The following EYA1 variants were observed in gnomAD, a reference collection of about 807,000 sequenced individuals.
EYA1 encodes the protein protein phosphatase EYA1.
Under a neutral mutation model 82.0 loss-of-function variants are expected in EYA1, and 16 were observed. That is an observed-to-expected ratio of 0.20 (90% confidence interval 0.13 to 0.30). The LOEUF (loss-of-function observed/expected upper bound fraction) is 0.30. Ranked by LOEUF, EYA1 falls within the 10% of genes least tolerant of loss-of-function variation. EYA1 has a pLI of 1.00. For synonymous variants in EYA1, 261 were observed against 264.4 expected, an observed-to-expected ratio of 0.99 and a Z score of 0.12; for missense variants, 633 against 730.7, an observed-to-expected ratio of 0.87 and a Z score of 1.54.
intron 2 of EYA1, among the ~76,000 whole-genome samples, chr8:71,522,656 T>C (rs1813490243): frequency 6.6e-6 from 1 of 151,320 alleles, no homozygotes; most frequent in African/African-American, 2.4e-5. Context: ...GATCTCTCTG[T>C]CACCCAGGCT....
At chr8:71,222,247 CAT>C (rs1810016358) in intron 12 of EYA1, among the ~76,000 whole-genome samples, 1 of 152,132 alleles carries the variant, frequency 6.6e-6, no homozygotes, top group Non-Finnish European at 1.5e-5. Context: ...CCACTGGTAA[CAT>C]ATTTGGTGCC....
chr8:71,237,630 ACTT>A lies in EYA1; in HGVS notation c.1140+6970_1140+6972del, dbSNP rs1389585122. On this transcript the variant is annotated intron_variant, in intron 12 of 17. Transcript: ENST00000340726. ...AAATTCCATAAACAATCAATGTTAAACTTCTACGATTTATATTTCCATAAGACA... is the reference window on the plus strand; with the variant it reads ...AAATTCCATAAACAATCAATGTTAAACTACGATTTATATTTCCATAAGACA... Among the ~76,000 whole-genome samples the A allele has an allele frequency of 3.3e-5, 5 of 152,180 alleles. No individual in the cohort carries two copies. In the East Asian group the frequency reaches 7.7e-4, roughly 23 times the overall value.
intron 3 of EYA1, among the ~76,000 whole-genome samples, chr8:71,337,795 T>G (rs1343542543): frequency 6.6e-6 from 1 of 152,210 alleles, no homozygotes; most frequent in Non-Finnish European, 1.5e-5. Flanking sequence ...CCTTCCTCCT[T>G]TCTCCTGTGG....
intron 11 of EYA1, among the ~76,000 whole-genome samples, chr8:71,267,652 C>A (rs998164345): frequency 1.3e-5 from 2 of 152,136 alleles, no homozygotes; most frequent in Admixed American, 6.5e-5. Context: ...AGGTTCACGC[C>A]GTTCTCCTGC....
rs141191164 is a variant in EYA1 at position 71,257,366 on chromosome 8, A to G, written c.1050+12374T>C. 2.3e-3 allele frequency among the ~76,000 whole-genome samples: 353 copies of G among 152,336 alleles called. 1 individual carries two copies. Among genetic ancestry groups the G allele is most frequent in the Non-Finnish European group, 4.1e-3 (280 of 68,020 alleles). On this transcript the variant is annotated intron_variant, in intron 11 of 17. Transcript: ENST00000340726. ...CTATGTTTGCAAGTTTCTATAATGAAAAGTTAAAAAAAATATAAAAATATT... is the reference window on the plus strand; with the variant it reads ...CTATGTTTGCAAGTTTCTATAATGAGAAGTTAAAAAAAATATAAAAATATT...
At chr8:71,520,427 C>A (rs1813308829) in intron 2 of EYA1, among the ~76,000 whole-genome samples, 1 of 152,178 alleles carries the variant, frequency 6.6e-6, no homozygotes, top group South Asian at 2.1e-4. Context: ...AAATAAACTT[C>A]ATTGGCAGTT....
rs143439602 is a variant in EYA1, at chr8:71,460,414, G to A, written c.33+75330C>T. On this transcript the variant is annotated intron_variant, in intron 2 of 18. Coordinates refer to the EYA1 transcript ENST00000643681. Reference sequence around the variant, plus strand: ...AGGGGAAAGATACTATAAAGGAGAAGAGAGCACTTATCTTTGTCTGGAGTG... The same window carrying A: ...AGGGGAAAGATACTATAAAGGAGAAAAGAGCACTTATCTTTGTCTGGAGTG... Among the ~76,000 whole-genome samples the A allele has an allele frequency of 9.8e-5, 15 of 152,314 alleles. No individual in the cohort carries two copies. In the East Asian group the frequency reaches 2.3e-3, roughly 24 times the overall value.
intron 12 of EYA1, among the ~76,000 whole-genome samples, chr8:71,236,263 C>T (rs994876688): frequency 1.3e-4 from 20 of 151,966 alleles, no homozygotes; most frequent in African/African-American, 4.1e-4. Flanking sequence ...TTCAAACTCC[C>T]GATCCCAAGT....
At chr8:71,394,718 G>A (rs1238553650) in intron 2 of EYA1, among the ~76,000 whole-genome samples, 1 of 152,142 alleles carries the variant, frequency 6.6e-6, no homozygotes, top group African/African-American at 2.4e-5. Context: ...TTTCAAGTCA[G>A]GTAGCTTGAT....
chr8:71,478,085 G>A (rs545179203), intron 2 of EYA1, among the ~76,000 whole-genome samples: 1 of 152,232 alleles, frequency 6.6e-6, no homozygotes, highest in Admixed American at 6.5e-5. Context: ...TCTAGAATTA[G>A]GTAGTGGTGA....
intron 3 of EYA1, among the ~76,000 whole-genome samples, chr8:71,338,740 A>G (rs1824785726): frequency 6.6e-6 from 1 of 152,246 alleles, no homozygotes; most frequent in African/African-American, 2.4e-5. Flanking sequence ...CACAAAGGAC[A>G]GTACTGCCTG....
chr8:71,340,924 C>T (rs2129053197), intron 3 of EYA1, among the ~76,000 whole-genome samples: 1 of 152,262 alleles, frequency 6.6e-6, no homozygotes, highest in Non-Finnish European at 1.5e-5. Context: ...CTACTAGACA[C>T]ATTGCACAGG....
chr8:71,290,357 T>C (rs1818864184), intron 9 of EYA1, among the ~76,000 whole-genome samples: 3 of 152,216 alleles, frequency 2.0e-5, no homozygotes, highest in African/African-American at 7.2e-5. Flanking sequence ...TACACTGATA[T>C]GTGTTGGTCC....
intron 2 of EYA1, among the ~76,000 whole-genome samples, chr8:71,471,259 A>T (rs970027344): frequency 6.6e-6 from 1 of 152,068 alleles, no homozygotes; most frequent in African/African-American, 2.4e-5. Context: ...TTGTTATACA[A>T]TTGGGTTACA....
chr8:71,225,673 T>C (rs1380566677), intron 12 of EYA1, among the ~76,000 whole-genome samples: 1 of 152,038 alleles, frequency 6.6e-6, no homozygotes, highest in Non-Finnish European at 1.5e-5. Flanking sequence ...TGTGTTATGG[T>C]AGGAATAGGA....
chr8:71,510,615 T>C (rs556736633), intron 2 of EYA1, among the ~76,000 whole-genome samples: 111 of 152,282 alleles, frequency 7.3e-4, no homozygotes, highest in African/African-American at 2.5e-3. Flanking sequence ...TCACTCACTA[T>C]TATGAAATAG....
intron 2 of EYA1, among the ~76,000 whole-genome samples, chr8:71,428,042 C>T (rs767319559): frequency 2.3e-4 from 35 of 151,082 alleles, no homozygotes; most frequent in South Asian, 4.2e-4. Context: ...GAGTCTGGAA[C>T]GAGGCATATG....
intron 9 of EYA1, among the ~76,000 whole-genome samples, chr8:71,296,831 G>A (rs1444107590): frequency 1.3e-5 from 2 of 151,566 alleles, no homozygotes; most frequent in African/African-American, 2.4e-5. Flanking sequence ...TTTTATATAC[G>A]ACTACTAAGA....
At chr8:71,493,537 A>G (rs907176380) in intron 2 of EYA1, among the ~76,000 whole-genome samples, 1 of 152,210 alleles carries the variant, frequency 6.6e-6, no homozygotes, top group African/African-American at 2.4e-5. Flanking sequence ...ATTAATTACT[A>G]ATAGAAAACT....
Sources: allele counts gnomAD v4.1 joint callset (sites outside exome capture counted in the v4.1 genomes callset), GRCh38; gene constraint gnomAD v4.1.1; transcripts MANE v1.5; gene names NCBI Gene and HGNC (gene_info 2026-07-23, HGNC 2026-07-21).